DDHD1: variants seen among roughly 807,000 people sequenced by gnomAD.
DDHD1 encodes DDHD domain containing 1.
In DDHD1, 49 loss-of-function variants were observed where a neutral mutation model predicts 96.4. The ratio of observed to expected loss-of-function variants is 0.51; its 90% CI spans 0.40 to 0.64. The LOEUF is 0.64. Among genes scored for constraint, DDHD1 ranks in the 30% least tolerant of loss-of-function variants. DDHD1 has a pLI of 0.00. For missense variants in DDHD1, 1,106 were observed against 1,161.2 expected, an observed-to-expected ratio of 0.95 and a Z score of 0.69; for synonymous variants, 442 against 446.5, an observed-to-expected ratio of 0.99 and a Z score of 0.13.
intron 6 of DDHD1, among the ~76,000 whole-genome samples, chr14:53,070,755 T>C (rs1392765425): frequency 6.6e-6 from 1 of 152,214 alleles, no homozygotes; most frequent in Non-Finnish European, 1.5e-5. Context: ...TGAAATGCTT[T>C]ACATGTCTAT....
At chr14:53,062,481 A>G (rs960060561) in intron 7 of DDHD1, among the ~76,000 whole-genome samples, 2 of 152,068 alleles carry the variant, frequency 1.3e-5, no homozygotes, top group Non-Finnish European at 2.9e-5. Context: ...TTATAATTAT[A>G]TAACACATAT....
intron 2 of DDHD1, among the ~76,000 whole-genome samples, chr14:53,097,086 T>C (rs1053127267): frequency 5.3e-5 from 8 of 152,134 alleles, no homozygotes; most frequent in African/African-American, 1.7e-4. Context: ...TACAAATTAG[T>C]TTCTCACCAG....
intron 2 of DDHD1, chr14:53,103,411 TTAAA>T (rs2139723065): frequency 5.4e-6 from 2 of 368,574 alleles, no homozygotes; most frequent in Admixed American, 4.3e-5. Context: ...CTAAAAAAGA[TTAAA>T]TAGGGAGTGC....
chr14:53,113,251 T>C (rs1034813005), intron 1 of DDHD1, among the ~76,000 whole-genome samples: 1 of 151,816 alleles, frequency 6.6e-6, no homozygotes, highest in Admixed American at 6.6e-5. Context: ...TACAGGCATA[T>C]GCCACGACGC....
At chr14:53,108,737 CT>C (rs1457192836) in intron 1 of DDHD1, among the ~76,000 whole-genome samples, 1 of 152,126 alleles carries the variant, frequency 6.6e-6, no homozygotes, top group Non-Finnish European at 1.5e-5. Context: ...AATTTCTTTC[CT>C]GTGTTCAATC....
At chr14:53,072,559 TAA>T in intron 6 of DDHD1, 36 bp downstream of exon 6, 1 of 1,273,560 alleles carries the variant, frequency 7.9e-7, no homozygotes, top group Non-Finnish European at 1.1e-6. Flanking sequence ...AAGCTATCAC[TAA>T]AAAATACCCA....
Position 53,091,917 on chromosome 14 carries a change from G to A in DDHD1, c.1157C>T (p.Thr386Ile), listed in dbSNP as rs1228363682. 2 of 1,608,118 alleles carry A rather than the reference G, an allele frequency of 1.2e-6. No individual in the cohort carries two copies. Among genetic ancestry groups the A allele is most frequent in the East Asian group, 2.2e-5 (1 of 44,800 alleles). The change falls in exon 4 of 13, where the codon ACC (threonine) becomes ATC (isoleucine). Residue 386 changes from threonine to isoleucine, a missense_variant. Around this residue, in one of 2 missense-constraint regions of DDHD1, gnomAD observed 650 missense variants for 758.8 expected, o/e 0.86. Transcript: ENST00000673822. ...LGFSKASSSG[T>I]RLHRGYVEEA... ...TTCTACATAACCTCTATGAAGTCTGGTACCACTACTTGATGCTGTAGAAAA... is the reference window on the plus strand; with the variant it reads ...TTCTACATAACCTCTATGAAGTCTGATACCACTACTTGATGCTGTAGAAAA...
In DDHD1 at chr14:53,038,191, G is replaced by C. The variant is rs1304218742; in HGVS notation, c.*8577C>G. On this transcript the variant is annotated 3_prime_UTR_variant, in exon 13 of 13. Coordinates refer to ENST00000673822, the MANE Select transcript of DDHD1 (RefSeq NM_001160148.2). ...TTCAACTTAGAGCAATCAGGCAAGA[G>C]AAATAAATAAAAGGCATCCAACTGG... 1 of 152,062 alleles carries C rather than the reference G, an allele frequency of 6.6e-6. No homozygotes were observed. Among genetic ancestry groups the C allele is most frequent in the Non-Finnish European group, 1.5e-5 (1 of 67,990 alleles). 9.4% of individuals were successfully genotyped at this position (152,062 alleles called of 1,614,324 possible).
chr14:53,066,874 C>A (rs73294025), intron 6 of DDHD1, among the ~76,000 whole-genome samples: 4,645 of 146,804 alleles, frequency 0.032, 236 homozygotes, highest in African/African-American at 0.11. Context: ...GCCTAAGGCA[C>A]AAGAATCACT....
chr14:53,082,296 G>A (rs1200590650), intron 4 of DDHD1, among the ~76,000 whole-genome samples: 6 of 151,958 alleles, frequency 3.9e-5, no homozygotes, highest in Admixed American at 2.0e-4. Flanking sequence ...TTAAATAGCT[G>A]TAAAACATAA....
intron 12 of DDHD1, among the ~76,000 whole-genome samples, chr14:53,051,391 T>C (rs911789486): frequency 4.6e-5 from 7 of 152,016 alleles, no homozygotes; most frequent in Non-Finnish European, 1.0e-4. Flanking sequence ...TAAATATCTG[T>C]GTTGAAAGCA....
At chr14:53,078,548 T>C (rs1885164470) in intron 4 of DDHD1, among the ~76,000 whole-genome samples, 1 of 152,126 alleles carries the variant, frequency 6.6e-6, no homozygotes, top group Non-Finnish European at 1.5e-5. Context: ...AGATATGTGG[T>C]TTGCTAATAT....
Position 53,054,582 on chromosome 14 carries a change from A to G in DDHD1, c.2293T>C (p.Phe765Leu). The change falls in exon 11 of 13, where the codon TTT (phenylalanine) becomes CTT (leucine). Residue 765 changes from phenylalanine (F) to leucine (L), a missense_variant. This residue lies in a region of DDHD1 where 650 missense variants were observed against 758.8 expected (regional missense o/e 0.86). Coordinates refer to ENST00000673822, the MANE Select transcript of DDHD1 (RefSeq NM_001160148.2). ...GACTGTGTTGTAGATGAACGTCCAA[A>G]TCTTGAGAACAACATTCCTCCAAGT... ...KGLGGMLFSR[F>L]GRSSTTQSSE... 6.2e-7 allele frequency: 1 copy of G among 1,614,074 alleles called. No individual in the cohort carries two copies. The highest frequency in any genetic ancestry group is 1.1e-5 in the South Asian group (1 of 91,070).
Position 53,036,920 on chromosome 14 carries a change from A to G in DDHD1, c.*9848T>C, listed in dbSNP as rs1299303127. 2.0e-5 allele frequency: 3 copies of G among 152,094 alleles called. No individual in the cohort carries two copies. The highest frequency in any genetic ancestry group is 7.2e-5 in the African/African-American group (3 of 41,412). 9.4% of individuals were successfully genotyped at this position (152,094 alleles called of 1,614,324 possible). On this transcript the variant is annotated 3_prime_UTR_variant, in exon 13 of 13. Coordinates refer to ENST00000673822, the MANE Select transcript of DDHD1 (RefSeq NM_001160148.2). ...TACCCAATAGGTAGTTTTTCAACCT[A>G]TCCTTCTGCCCTCCTCACCCACAGT...
chr14:53,123,115 GTTATTATTATTATTATTATTATTA>G (rs139846735), intron 1 of DDHD1, among the ~76,000 whole-genome samples: 10 of 138,454 alleles, frequency 7.2e-5, no homozygotes, highest in Admixed American at 2.9e-4. Flanking sequence ...GATAATTGCT[GTTATTATTATTATTATTATTATTA>G]TTATTATTAT....
intron 8 of DDHD1, among the ~76,000 whole-genome samples, chr14:53,060,456 C>G (rs1383640498): frequency 6.6e-6 from 1 of 152,174 alleles, no homozygotes; most frequent in Non-Finnish European, 1.5e-5. Flanking sequence ...TATATTATAG[C>G]TAAACTAAGT....
At chr14:53,056,586 G>A (rs907089629) in intron 9 of DDHD1, among the ~76,000 whole-genome samples, 4 of 152,138 alleles carry the variant, frequency 2.6e-5, no homozygotes, top group African/African-American at 7.2e-5. Context: ...GAGCCACTGC[G>A]CCCAGCCTCT....
In DDHD1 at chr14:53,111,068, T is replaced by C. The variant is rs975531354; in HGVS notation, c.839-7212A>G. On this transcript the variant is annotated intron_variant, in intron 1 of 12. Transcript: ENST00000673822. ...ATTGAAATCAAAAGAAGAACATGGG[T>C]TCTTCTTGACTGAAAAATAATTCTA... Among the ~76,000 whole-genome samples the C allele has an allele frequency of 3.9e-5, 6 of 152,140 alleles. No homozygotes were observed. In the East Asian group the frequency reaches 1.2e-3, roughly 29 times the overall value.
intron 1 of DDHD1, among the ~76,000 whole-genome samples, chr14:53,133,706 TCCAGACA>T (rs1278705606): frequency 5.3e-5 from 8 of 152,042 alleles, no homozygotes; most frequent in Non-Finnish European, 8.8e-5. Context: ...CCAGTCTCAT[TCCAGACA>T]CCAGCCCTCT....
Sources: gnomAD v4.1 joint callset for allele counts (sites outside exome capture counted in the v4.1 genomes callset) on GRCh38, gnomAD v4.1.1 for gene constraint, gnomAD v4.1.1 regional missense constraint, MANE v1.5 for transcripts, NCBI Gene and HGNC (gene_info 2026-07-23, HGNC 2026-07-21) for gene names.